HTR4: variants seen among roughly 807,000 people sequenced by gnomAD.
The protein encoded by HTR4 is 5-hydroxytryptamine (serotonin) receptor 4, G protein-coupled.
Under a neutral mutation model 36.8 loss-of-function variants are expected in HTR4, and 16 were observed. That is an observed-to-expected ratio of 0.43 (90% CI 0.29 to 0.66). The LOEUF is 0.66. Among genes scored for constraint, HTR4 ranks in the 30% least tolerant of loss-of-function variants. The pLI, the probability that HTR4 is intolerant of heterozygous loss-of-function variation, is 0.13. For missense variants in HTR4, 438 were observed against 490.9 expected (o/e 0.89, Z 1.02); for synonymous variants, 189 against 185.1 (o/e 1.02, Z -0.17).
intron 4 of HTR4, among the ~76,000 whole-genome samples, chr5:148,524,785 T>C (rs144635397): frequency 1.8e-4 from 28 of 152,332 alleles, no homozygotes; most frequent in East Asian, 1.2e-3. Flanking sequence ...ACTTTGTTAA[T>C]TTTTCCCACC....
intron 2 of HTR4, among the ~76,000 whole-genome samples, chr5:148,590,351 T>G (rs2127257530): frequency 7.9e-6 from 1 of 127,372 alleles, no homozygotes; most frequent in East Asian, 2.4e-4. Flanking sequence ...CAGGCTGGAG[T>G]GCAATGGCGT....
intron 5 of HTR4, among the ~76,000 whole-genome samples, chr5:148,455,016 A>G (rs2113685431): frequency 6.6e-6 from 1 of 152,344 alleles, no homozygotes; most frequent in Non-Finnish European, 1.5e-5. Flanking sequence ...AGAAAACTGA[A>G]TGACAATACT....
chr5:148,619,640 C>CA (rs1439662851), intron 2 of HTR4, among the ~76,000 whole-genome samples: 1 of 152,066 alleles, frequency 6.6e-6, no homozygotes, highest in Non-Finnish European at 1.5e-5. Flanking sequence ...GCCTAGCCAT[C>CA]GACACAATGC....
At chr5:148,461,871 A>G (rs1755287454) in intron 5 of HTR4, 1 of 152,094 alleles carries the variant, frequency 6.6e-6, no homozygotes, top group Non-Finnish European at 1.5e-5. Flanking sequence ...CATAAAACTT[A>G]CCTTAACAAA....
In HTR4 at chr5:148,483,178, T is replaced by A. The variant is rs1175136075; in HGVS notation, c.*25A>T. The A allele has an allele frequency of 1.9e-6, 3 of 1,613,756 alleles. No individual in the cohort carries two copies. The highest frequency in any genetic ancestry group is 2.2e-5 in the East Asian group (1 of 44,846). On this transcript the variant is annotated 3_prime_UTR_variant, in exon 7 of 7. Coordinates refer to ENST00000377888, the MANE Select transcript of HTR4 (RefSeq NM_000870.7). ...TGGCCCTCTTTCGGAGGCATGGCTG[T>A]CTTCTGGGTCATTGTCCCAGGGGCC...
At chr5:148,613,453 A>T (rs1752526223) in intron 2 of HTR4, among the ~76,000 whole-genome samples, 1 of 152,150 alleles carries the variant, frequency 6.6e-6, no homozygotes. Context: ...CAATAGATGC[A>T]GGAAAGGCCT....
In HTR4 at chr5:148,547,480, C is replaced by A. The variant is rs568120796; in HGVS notation, c.353+1188G>T. Among the ~76,000 whole-genome samples, 10 of 149,858 alleles carry A rather than the reference C, an allele frequency of 6.7e-5. No individual in the cohort carries two copies. In the South Asian group the frequency reaches 2.1e-3, roughly 31 times the overall value. On this transcript the variant is annotated intron_variant, in intron 4 of 6. Coordinates refer to ENST00000377888, the MANE Select transcript of HTR4 (RefSeq NM_000870.7). ...CTTGCAGTGAGCCGAGATTGCGGCA[C>A]TGCACTTCAGCCTGGGTGACAGAGC... is the stretch of plus-strand genomic sequence containing the variant.
At position 148,533,734 on chromosome 5, in the gene HTR4, C is replaced by T. The variant is rs118131413; in HGVS notation, c.354-10388G>A. Among the ~76,000 whole-genome samples the T allele has an allele frequency of 2.4e-3, 367 of 152,288 alleles. 13 individuals are homozygous for T. The East Asian group carries it at 0.04, about 17-fold the overall frequency. ...TGTGGTCTTAGAATCAGTTACTAAC[C>T]TCAAGAAGATCCAGTTTCTTCATCT... On this transcript the variant is annotated intron_variant, in intron 4 of 6. Coordinates refer to ENST00000377888, the MANE Select transcript of HTR4 (RefSeq NM_000870.7).
At chr5:148,549,044 T>C (rs1291302435) in intron 3 of HTR4, among the ~76,000 whole-genome samples, 176 bp from the exon 4 acceptor site, 1 of 151,966 alleles carries the variant, frequency 6.6e-6, no homozygotes, top group Admixed American at 6.6e-5. Flanking sequence ...AGATTCAATT[T>C]CCCCTTCTGT....
chr5:148,511,455 C>T (rs1288402808), intron 5 of HTR4, among the ~76,000 whole-genome samples: 2 of 152,082 alleles, frequency 1.3e-5, no homozygotes, highest in Non-Finnish European at 2.9e-5. Context: ...TTGTATCACT[C>T]ACATTATTGC....
chr5:148,553,717 TA>T (rs1759805306), intron 2 of HTR4, among the ~76,000 whole-genome samples: 1 of 152,180 alleles, frequency 6.6e-6, no homozygotes, highest in Non-Finnish European at 1.5e-5. Context: ...AAACAACGAA[TA>T]AAAAATAACA....
chr5:148,636,002 A>G (rs1232775857), intron 2 of HTR4, among the ~76,000 whole-genome samples: 2 of 152,198 alleles, frequency 1.3e-5, no homozygotes, highest in African/African-American at 4.8e-5. Flanking sequence ...TATATATTAC[A>G]ACAATGACAA....
At chr5:148,498,343 A>G (rs113811918) in intron 6 of HTR4, among the ~76,000 whole-genome samples, 14 of 152,286 alleles carry the variant, frequency 9.2e-5, no homozygotes, top group African/African-American at 3.4e-4. Flanking sequence ...CTCAATGTGA[A>G]TCTTGTAGAC....
At chr5:148,532,616 G>A (rs1240961128) in intron 4 of HTR4, among the ~76,000 whole-genome samples, 1 of 152,210 alleles carries the variant, frequency 6.6e-6, no homozygotes, top group African/African-American at 2.4e-5. Context: ...TCTAGGTGCT[G>A]TAGACAGCAT....
intron 2 of HTR4, among the ~76,000 whole-genome samples, chr5:148,614,227 A>G (rs1752565237): frequency 6.6e-6 from 1 of 152,202 alleles, no homozygotes; most frequent in Admixed American, 6.5e-5. Flanking sequence ...TTGCCAAGTC[A>G]ATCCTAAGCC....
At chr5:148,474,252 C>T (rs2113707293), downstream of HTR4, among the ~76,000 whole-genome samples, 1 of 152,208 alleles carries the variant, frequency 6.6e-6, no homozygotes, top group East Asian at 1.9e-4. Context: ...TAGCTGATGA[C>T]TCACGACCTT....
intron 5 of HTR4, among the ~76,000 whole-genome samples, chr5:148,459,029 G>C (rs1755197499): frequency 6.6e-6 from 1 of 152,086 alleles, no homozygotes; most frequent in African/African-American, 2.4e-5. Context: ...CTGGAGCTTA[G>C]AAGTCCTGTA....
intron 5 of HTR4, among the ~76,000 whole-genome samples, chr5:148,454,765 C>G (rs759882461): frequency 2.6e-5 from 4 of 152,166 alleles, no homozygotes; most frequent in Non-Finnish European, 5.9e-5. Context: ...TATACAGAGG[C>G]GAGAAGTGAG....
chr5:148,632,497 G>T (rs955054961), intron 2 of HTR4, among the ~76,000 whole-genome samples: 1 of 152,124 alleles, frequency 6.6e-6, no homozygotes, highest in Non-Finnish European at 1.5e-5. Flanking sequence ...AGCTCATGGG[G>T]CAGGGAGGTG....
Sources: allele counts gnomAD v4.1 joint callset (sites outside exome capture counted in the v4.1 genomes callset), GRCh38; gene constraint gnomAD v4.1.1; transcripts MANE v1.5; gene names NCBI Gene and HGNC (gene_info 2026-07-23, HGNC 2026-07-21).